The following SEPTIN14 variants were observed in gnomAD, a reference collection of about 807,000 sequenced individuals.
The protein encoded by SEPTIN14 is septin 14.
In SEPTIN14, 40 loss-of-function variants were observed where a neutral mutation model predicts 53.6. The ratio of observed to expected loss-of-function variants is 0.75; its 90% CI spans 0.58 to 0.97. SEPTIN14 has a LOEUF of 0.97. Ranked by LOEUF, SEPTIN14 falls within the 50% of genes least tolerant of loss-of-function variation. The pLI is 0.00. For missense variants in SEPTIN14, 471 were observed against 508.2 expected (o/e 0.93, Z 0.70); for synonymous variants, 138 against 166.8 (o/e 0.83, Z 1.33).
intron 6 of SEPTIN14, 81 bp from the exon 7 acceptor site, chr7:55,819,304 T>A: frequency 9.2e-7 from 1 of 1,087,492 alleles, no homozygotes; most frequent in Non-Finnish European, 1.4e-6. Flanking sequence ...GTTATAAAAA[T>A]GACAGGCCAG....
At chr7:55,819,023 A>T in intron 7 of SEPTIN14, 104 bp downstream of exon 7, 1 of 682,354 alleles carries the variant, frequency 1.5e-6, no homozygotes. Flanking sequence ...CAGATTAGCA[A>T]GAGTTACCAA....
At chr7:55,819,822 C>T (rs1788862785) in intron 6 of SEPTIN14, among the ~76,000 whole-genome samples, 1 of 152,116 alleles carries the variant, frequency 6.6e-6, no homozygotes, top group South Asian at 2.1e-4. Flanking sequence ...TTTTCTCACA[C>T]TATGTTTACC....
intron 6 of SEPTIN14, among the ~76,000 whole-genome samples, chr7:55,833,365 C>A (rs1789145380): frequency 1.3e-5 from 2 of 150,972 alleles, no homozygotes; most frequent in African/African-American, 4.9e-5. Flanking sequence ...CACACAAACA[C>A]ACACACACAA....
chr7:55,833,326 A>G (rs987412110), intron 6 of SEPTIN14, among the ~76,000 whole-genome samples: 3 of 149,690 alleles, frequency 2.0e-5, no homozygotes, highest in Non-Finnish European at 4.5e-5. Context: ...AAAAAAAAAG[A>G]TCTCAAATAA....
intron 7 of SEPTIN14, among the ~76,000 whole-genome samples, chr7:55,809,870 T>C (rs1188714009): frequency 4.7e-5 from 7 of 148,942 alleles, no homozygotes; most frequent in African/African-American, 1.7e-4. Context: ...TCTCACTCTG[T>C]TGCCCAGGCT....
intron 2 of SEPTIN14, among the ~76,000 whole-genome samples, chr7:55,857,706 G>A (rs1312689011): frequency 7.0e-6 from 1 of 143,848 alleles, no homozygotes; most frequent in African/African-American, 2.6e-5. Context: ...TCCTGCCTCA[G>A]CCTCCCGAGC....
At chr7:55,809,726 A>G (rs137965581) in intron 7 of SEPTIN14, among the ~76,000 whole-genome samples, 1,944 of 150,728 alleles carry the variant, frequency 0.013, 29 homozygotes, top group African/African-American at 0.037. Context: ...CAATTTATCT[A>G]TATAACAAAT....
intron 2 of SEPTIN14, among the ~76,000 whole-genome samples, chr7:55,848,362 A>G (rs971970374): frequency 5.9e-5 from 9 of 152,166 alleles, no homozygotes; most frequent in African/African-American, 2.2e-4. Context: ...GGGTTTCACC[A>G]TGTTGGCCAG....
chr7:55,847,194 T>C (rs952774009), intron 2 of SEPTIN14, among the ~76,000 whole-genome samples: 1 of 151,612 alleles, frequency 6.6e-6, no homozygotes, highest in Non-Finnish European at 1.5e-5. Flanking sequence ...GGTGACAGAG[T>C]GAAACTCTGT....
chr7:55,830,349 A>ATATATATTTTTTTTT (rs71015108), intron 6 of SEPTIN14, among the ~76,000 whole-genome samples: 2 of 56,856 alleles, frequency 3.5e-5, no homozygotes, highest in African/African-American at 1.0e-4. Context: ...ATATATATAT[A>ATATATATTTTTTTTT]TTTTTTTTTT....
At chr7:55,849,570 A>G (rs571992575) in intron 2 of SEPTIN14, among the ~76,000 whole-genome samples, 7 of 150,766 alleles carry the variant, frequency 4.6e-5, no homozygotes, top group Non-Finnish European at 1.0e-4. Context: ...ACATGGAAAA[A>G]CCCCGTCTCT....
intron 6 of SEPTIN14, among the ~76,000 whole-genome samples, chr7:55,825,690 G>A (rs1389369284): frequency 6.6e-6 from 1 of 152,096 alleles, no homozygotes; most frequent in Non-Finnish European, 1.5e-5. Flanking sequence ...GATGGGGCCG[G>A]GCGTGGTGAC....
chr7:55,862,093 G>T (rs1377842734), intron 1 of SEPTIN14, 82 bp from the exon 2 acceptor site: 1 of 775,808 alleles, frequency 1.3e-6, no homozygotes, highest in East Asian at 2.8e-5. Flanking sequence ...TAATTAGGGG[G>T]CATAATATGG....
At chr7:55,845,763 T>C (rs905475686) in intron 3 of SEPTIN14, among the ~76,000 whole-genome samples, 1 of 151,820 alleles carries the variant, frequency 6.6e-6, no homozygotes, top group African/African-American at 2.4e-5. Context: ...AAAATATACA[T>C]GCTAGGCCGG....
intron 3 of SEPTIN14, 47 bp downstream of exon 3, chr7:55,846,470 A>T (rs757172466): frequency 1.2e-5 from 17 of 1,438,742 alleles, no homozygotes; most frequent in Non-Finnish European, 1.6e-5. Context: ...TGAAATGAAC[A>T]TTGGGAAAAA....
chr7:55,830,470 A>G (rs1191997143), intron 6 of SEPTIN14, among the ~76,000 whole-genome samples: 1 of 149,020 alleles, frequency 6.7e-6, no homozygotes, highest in East Asian at 2.0e-4. Flanking sequence ...CAGCCTCCCG[A>G]GTTGCTGGGA....
chr7:55,830,349 A>ATATTT (rs71015108), intron 6 of SEPTIN14, among the ~76,000 whole-genome samples: 69 of 56,834 alleles, frequency 1.2e-3, no homozygotes, highest in East Asian at 0.01. Flanking sequence ...ATATATATAT[A>ATATTT]TTTTTTTTTT....
At chr7:55,826,046 G>A (rs2116011007) in intron 6 of SEPTIN14, among the ~76,000 whole-genome samples, 1 of 151,658 alleles carries the variant, frequency 6.6e-6, no homozygotes, top group South Asian at 2.1e-4. Flanking sequence ...AGCTTGCAGT[G>A]AGCCGAGATC....
chr7:55,826,466 C>G (rs1788988645), intron 6 of SEPTIN14, among the ~76,000 whole-genome samples: 1 of 152,024 alleles, frequency 6.6e-6, no homozygotes, highest in African/African-American at 2.4e-5. Flanking sequence ...AGAGAAAGAC[C>G]AAAAGGAATA....
Sources: gnomAD v4.1 joint callset for allele counts (sites outside exome capture counted in the v4.1 genomes callset) on GRCh38, gnomAD v4.1.1 for gene constraint, MANE v1.5 for transcripts, NCBI Gene and HGNC (gene_info 2026-07-23, HGNC 2026-07-21) for gene names.